The following ABHD12B variants were observed in gnomAD, a reference collection of about 807,000 sequenced individuals.
ABHD12B encodes protein ABHD12B.
ABHD12B carries 42 observed loss-of-function variants against 50.4 expected under a neutral mutation model. That is an observed-to-expected ratio of 0.83 (90% CI 0.65 to 1.08). The LOEUF is 1.08. Ranked by LOEUF, ABHD12B falls within the 50% of genes least tolerant of loss-of-function variation. The pLI, the probability that ABHD12B is intolerant of heterozygous loss-of-function variation, is 0.00. For synonymous variants in ABHD12B, 167 were observed against 160.3 expected (o/e 1.04, Z -0.32); for missense variants, 479 against 447.7 (o/e 1.07, Z -0.63).
chr14:50,873,578 C>A (rs538713098), intron 1 of ABHD12B, among the ~76,000 whole-genome samples: 1 of 152,250 alleles, frequency 6.6e-6, no homozygotes, highest in African/African-American at 2.4e-5. Context: ...CTGCAGGGGC[C>A]CAGTCACCTA....
At chr14:50,881,341 CT>C (rs1236763856) in intron 4 of ABHD12B, among the ~76,000 whole-genome samples, 2 of 152,022 alleles carry the variant, frequency 1.3e-5, no homozygotes, top group Non-Finnish European at 2.9e-5. Context: ...GGTGACTCGC[CT>C]TTCTCAAGAC....
At chr14:50,896,821 A>C (rs944938147) in intron 9 of ABHD12B, among the ~76,000 whole-genome samples, 1 of 152,142 alleles carries the variant, frequency 6.6e-6, no homozygotes, top group African/African-American at 2.4e-5. Flanking sequence ...CAGGTGAAAT[A>C]AACAGCCATG....
intron 9 of ABHD12B, chr14:50,891,990 A>G (rs2050125744): frequency 6.6e-6 from 1 of 152,016 alleles, no homozygotes; most frequent in Non-Finnish European, 1.5e-5. Flanking sequence ...CTTATTCAGG[A>G]TTGTCTTGGC....
At chr14:50,872,580 C>G (rs972472626) in intron 1 of ABHD12B, among the ~76,000 whole-genome samples, 5 of 152,132 alleles carry the variant, frequency 3.3e-5, no homozygotes, top group African/African-American at 1.2e-4. Flanking sequence ...TGGTTGAATT[C>G]CTACACCAAT....
intron 3 of ABHD12B, among the ~76,000 whole-genome samples, chr14:50,879,321 A>G (rs1250165241): frequency 1.3e-5 from 2 of 152,176 alleles, no homozygotes; most frequent in Non-Finnish European, 2.9e-5. Context: ...CCCTTTTGAC[A>G]ATTATTCCCA....
intron 1 of ABHD12B, among the ~76,000 whole-genome samples, chr14:50,876,397 G>A (rs2049864286): frequency 6.6e-6 from 1 of 152,142 alleles, no homozygotes; most frequent in Non-Finnish European, 1.5e-5. Flanking sequence ...AACACTTCAG[G>A]GGGAATTAAT....
rs772252612 is a variant in ABHD12B, at chr14:50,904,124, G to C, written c.993G>C (p.Met331Ile). The change falls in exon 12 of 13, where the codon ATG (methionine) becomes ATC (isoleucine). Residue 331 changes from methionine (M) to isoleucine (I), a missense_variant. Physicochemically the swap from Met to Ile is conservative, Grantham distance 10. Transcript: ENST00000337334. ...ACAGGAACAAAGAGAGGGTCAAGAT[G>C]GTTATCTTTCCTCCTGGCTTCCAAC... ...NAYRNKERVK[M>I]VIFPPGFQHN... 1 of 1,614,098 alleles carries C rather than the reference G, an allele frequency of 6.2e-7. No homozygotes were observed. The highest frequency in any genetic ancestry group is 2.2e-5 in the East Asian group (1 of 44,884).
In ABHD12B at chr14:50,882,054, G is replaced by A. The variant is rs191017971; in HGVS notation, c.486+428G>A. On this transcript the variant is annotated intron_variant, in intron 5 of 12. Coordinates refer to ENST00000337334, the MANE Select transcript of ABHD12B (RefSeq NM_001206673.2). ...AGGCTCAAGCGATTCTCCTGCCTCA[G>A]CCTCCCGAGTAGCTGGGATTACAGG... 1.3e-5 allele frequency among the ~76,000 whole-genome samples: 2 copies of A among 151,944 alleles called. 1 individual carries two copies. The highest frequency in any genetic ancestry group is 2.9e-5 in the Non-Finnish European group (2 of 68,008).
rs150681086 is a variant in ABHD12B at position 50,880,498 on chromosome 14, T to C, written c.382T>C (p.Cys128Arg). The change falls in exon 4 of 13, where the codon TGT becomes CGT. Residue 128 changes from cysteine to arginine, a missense_variant. Cys to Arg is a radical substitution (Grantham distance 180). Coordinates refer to ENST00000337334, the MANE Select transcript of ABHD12B (RefSeq NM_001206673.2). Reference protein sequence around the residue: ...CRGEDAKGKDCCWYEAALRDG... With the variant: ...CRGEDAKGKDRCWYEAALRDG... ...GGGGGAAGATGCCAAGGGGAAGGAC[T>C]GTTGCTGGTATGAAGCAGCCCTTCG... is the stretch of plus-strand genomic sequence containing the variant. The C allele has an allele frequency of 4.0e-5, 64 of 1,611,802 alleles. No homozygotes were observed. Among genetic ancestry groups the C allele is most frequent in the Non-Finnish European group, 5.3e-5 (63 of 1,178,938 alleles).
intron 1 of ABHD12B, 54 bp downstream of exon 1, chr14:50,872,332 G>C (rs2049797403): frequency 3.3e-6 from 4 of 1,206,714 alleles, no homozygotes; most frequent in South Asian, 6.5e-5. Flanking sequence ...AGGCTGCGCG[G>C]GGATGGGGCA....
rs559449234 is a variant in ABHD12B at position 50,902,206 on chromosome 14, G to A, written c.863+295G>A. On this transcript the variant is annotated intron_variant, in intron 10 of 12. Transcript: ENST00000337334. ...CTATCAAGACCTTTTAAAGGGCTTG[G>A]TAGTGTTAGCGTATGCCTATAATCC... is the stretch of plus-strand genomic sequence containing the variant. 3.3e-5 allele frequency among the ~76,000 whole-genome samples: 5 copies of A among 152,074 alleles called. No individual in the cohort carries two copies. The East Asian group carries it at 9.7e-4, about 29-fold the overall frequency.
chr14:50,880,667 A>G (rs1188694871), intron 4 of ABHD12B, 96 bp downstream of exon 4: 2 of 1,311,684 alleles, frequency 1.5e-6, no homozygotes, highest in Admixed American at 2.9e-5. Context: ...TTAACTCTGT[A>G]GGCATGCCTT....
intron 9 of ABHD12B, among the ~76,000 whole-genome samples, chr14:50,889,567 G>A (rs1228319910): frequency 6.6e-6 from 1 of 152,196 alleles, no homozygotes; most frequent in Non-Finnish European, 1.5e-5. Flanking sequence ...GAACCCGGGA[G>A]GCAGAGGTTG....
chr14:50,892,436 A>T, intron 9 of ABHD12B: 1 of 985,454 alleles, frequency 1.0e-6, no homozygotes, highest in Non-Finnish European at 1.2e-6. Context: ...GCTTTGAAGC[A>T]AAGGGCCTGT....
intron 9 of ABHD12B, chr14:50,893,160 T>C (rs2050143050): frequency 6.6e-6 from 1 of 152,230 alleles, no homozygotes; most frequent in South Asian, 2.1e-4. Context: ...CATGCTTAAA[T>C]TTGTCAGGCC....
At chr14:50,896,157 C>G (rs568944264) in intron 9 of ABHD12B, among the ~76,000 whole-genome samples, 37 of 152,130 alleles carry the variant, frequency 2.4e-4, no homozygotes, top group East Asian at 1.4e-3. Flanking sequence ...CCCCACTCAA[C>G]GCCAATATCC....
chr14:50,881,627 G>A lies in ABHD12B; in HGVS notation c.486+1G>A, dbSNP rs138523238. ...TTCGCACAGACTGAAGCTGGTAAAGGTATGTCTGAAGAGGCCTCAAAGCAC... is the reference window on the plus strand; with the variant it reads ...TTCGCACAGACTGAAGCTGGTAAAGATATGTCTGAAGAGGCCTCAAAGCAC... On this transcript the variant is annotated splice_donor_variant, in intron 5 of 12. Coordinates refer to ENST00000337334, the MANE Select transcript of ABHD12B (RefSeq NM_001206673.2). LOFTEE classifies it high-confidence loss of function. 6.2e-7 allele frequency: 1 copy of A among 1,608,052 alleles called. No individual in the cohort carries two copies. Among genetic ancestry groups the A allele is most frequent in the Non-Finnish European group, 8.5e-7 (1 of 1,178,448 alleles).
At chr14:50,875,295 C>T (rs564051528) in intron 1 of ABHD12B, among the ~76,000 whole-genome samples, 10 of 152,282 alleles carry the variant, frequency 6.6e-5, no homozygotes, top group South Asian at 2.1e-4. Flanking sequence ...GGATGTCTCC[C>T]GGTGCTTGGT....
intron 1 of ABHD12B, among the ~76,000 whole-genome samples, chr14:50,875,844 C>T (rs2049855943): frequency 6.6e-6 from 1 of 152,228 alleles, no homozygotes; most frequent in Non-Finnish European, 1.5e-5. Flanking sequence ...AAAAAACAGA[C>T]ACACATTTCC....
Sources: allele counts gnomAD v4.1 joint callset (sites outside exome capture counted in the v4.1 genomes callset), GRCh38; gene constraint gnomAD v4.1.1; transcripts MANE v1.5; gene names NCBI Gene and HGNC (gene_info 2026-07-23, HGNC 2026-07-21).